FILIP1: variants seen among roughly 807,000 people sequenced by gnomAD.
FILIP1 encodes filamin A interacting protein 1, also known as filamin-A-interacting protein 1.
In FILIP1, 61 loss-of-function variants were observed where a neutral mutation model predicts 102.1. That is an observed-to-expected ratio of 0.60 (90% confidence interval 0.49 to 0.74). The LOEUF is 0.74. Ranked by LOEUF, FILIP1 falls within the 30% of genes least tolerant of loss-of-function variation. The pLI is 0.00. For synonymous variants in FILIP1, 491 were observed against 526.9 expected (o/e 0.93, Z 0.93); for missense variants, 1,314 against 1,441.2 (o/e 0.91, Z 1.43).
At chr6:75,463,926 G>T (rs1486910405) in intron 1 of FILIP1, among the ~76,000 whole-genome samples, 1 of 152,022 alleles carries the variant, frequency 6.6e-6, no homozygotes, top group Non-Finnish European at 1.5e-5. Context: ...ATGGTAGGGG[G>T]ACAGCTGAAA....
At chr6:75,372,785 A>G (rs58021643) in intron 2 of FILIP1, among the ~76,000 whole-genome samples, 1,287 of 78,188 alleles carry the variant, frequency 0.016, 193 homozygotes, top group African/African-American at 0.03. Context: ...AAAGAAAGAA[A>G]GAAAGAAAGA....
In FILIP1 at chr6:75,440,903, C is replaced by T. The variant is rs185539671; in HGVS notation, c.-6-25925G>A. ...AGTGGAGGTTGCAGTGAGCCGAGAT[C>T]GTGCCGTTGCACTCCAGCCTGGGCA... On this transcript the variant is annotated intron_variant, in intron 1 of 5. Transcript: ENST00000237172. 1.0e-3 allele frequency among the ~76,000 whole-genome samples: 154 copies of T among 147,796 alleles called. 1 individual carries two copies. The highest frequency in any genetic ancestry group is 1.1e-3 in the Non-Finnish European group (72 of 67,654).
intron 2 of FILIP1, among the ~76,000 whole-genome samples, chr6:75,410,733 C>A (rs1330747100): frequency 2.6e-5 from 4 of 152,114 alleles, no homozygotes; most frequent in African/African-American, 9.7e-5. Context: ...TGAACTCATT[C>A]TTTTTTATGG....
At chr6:75,385,308 C>T (rs924641241) in intron 2 of FILIP1, among the ~76,000 whole-genome samples, 2 of 152,080 alleles carry the variant, frequency 1.3e-5, no homozygotes, top group African/African-American at 2.4e-5. Flanking sequence ...ATTTTTAAAA[C>T]ATGAAATGAG....
At chr6:75,322,310 T>C (rs1426334167) in intron 4 of FILIP1, among the ~76,000 whole-genome samples, 1 of 152,226 alleles carries the variant, frequency 6.6e-6, no homozygotes, top group Admixed American at 6.5e-5. Context: ...CGTGTAATTA[T>C]GCTATTTAAG....
intron 2 of FILIP1, among the ~76,000 whole-genome samples, chr6:75,414,255 T>C (rs368366265): frequency 1.3e-5 from 2 of 151,906 alleles, no homozygotes; most frequent in East Asian, 3.9e-4. Context: ...CAACAAAGCC[T>C]TATTTACCTC....
At chr6:75,406,601 A>C (rs1776854411) in intron 2 of FILIP1, among the ~76,000 whole-genome samples, 1 of 152,000 alleles carries the variant, frequency 6.6e-6, no homozygotes, top group South Asian at 2.1e-4. Context: ...GAGCCCATCA[A>C]ATACAAGTAT....
At chr6:75,463,540 TATG>T (rs1196629606) in intron 1 of FILIP1, among the ~76,000 whole-genome samples, 10 of 152,240 alleles carry the variant, frequency 6.6e-5, no homozygotes, top group Non-Finnish European at 7.3e-5. Context: ...ATGAGTTTCC[TATG>T]TTAACTCACA....
intron 1 of FILIP1, among the ~76,000 whole-genome samples, chr6:75,491,343 G>A (rs991414161): frequency 2.6e-5 from 4 of 152,186 alleles, no homozygotes; most frequent in Admixed American, 2.0e-4. Flanking sequence ...TCATGGTATT[G>A]AGACTGGAAA....
chr6:75,457,643 T>TCTCTCG (rs1554215201), intron 1 of FILIP1, among the ~76,000 whole-genome samples: 1 of 151,020 alleles, frequency 6.6e-6, no homozygotes, highest in Non-Finnish European at 1.5e-5. Flanking sequence ...TCTCTCTCTC[T>TCTCTCG]CTCTCGTTTC....
At chr6:75,362,129 C>T (rs1389351263) in intron 3 of FILIP1, 1 of 152,172 alleles carries the variant, frequency 6.6e-6, no homozygotes, top group African/African-American at 2.4e-5. Flanking sequence ...ACTGGTATCG[C>T]AATCTGGCTC....
At chr6:75,388,967 T>C (rs1292170016) in intron 2 of FILIP1, among the ~76,000 whole-genome samples, 1 of 152,222 alleles carries the variant, frequency 6.6e-6, no homozygotes, top group Non-Finnish European at 1.5e-5. Flanking sequence ...AAGGGAATGC[T>C]TCCAGCTTTT....
intron 1 of FILIP1, among the ~76,000 whole-genome samples, chr6:75,439,994 C>G (rs1463225027): frequency 1.3e-5 from 2 of 152,186 alleles, no homozygotes; most frequent in Non-Finnish European, 2.9e-5. Flanking sequence ...ATTTGCATGA[C>G]CACATATTAT....
At chr6:75,374,980 G>A (rs1014447551) in intron 2 of FILIP1, among the ~76,000 whole-genome samples, 9 of 152,284 alleles carry the variant, frequency 5.9e-5, no homozygotes, top group South Asian at 2.1e-4. Flanking sequence ...ACTGAGTGGC[G>A]GGTGGCCTTG....
intron 1 of FILIP1, among the ~76,000 whole-genome samples, chr6:75,457,034 T>C (rs1778860118): frequency 6.6e-6 from 1 of 152,184 alleles, no homozygotes; most frequent in Admixed American, 6.5e-5. Flanking sequence ...TCAATAACAA[T>C]GATAAAATAT....
intron 4 of FILIP1, chr6:75,319,162 G>C: frequency 1.4e-6 from 1 of 732,388 alleles, no homozygotes; most frequent in Non-Finnish European, 2.5e-6. Context: ...TGCTGCATCA[G>C]GCTTTCCTTT....
rs559426370 is a variant in FILIP1 at position 75,438,269 on chromosome 6, C to G, written c.-6-23291G>C. Among the ~76,000 whole-genome samples, 10 of 152,306 alleles carry G rather than the reference C, an allele frequency of 6.6e-5. No individual in the cohort carries two copies. In the South Asian group the frequency reaches 2.1e-3, roughly 32 times the overall value. ...ACTATGATTTTTGTCATTCACTGAGCTGTGATATAAATCCAACATCTGGAT... is the reference window on the plus strand; with the variant it reads ...ACTATGATTTTTGTCATTCACTGAGGTGTGATATAAATCCAACATCTGGAT... On this transcript the variant is annotated intron_variant, in intron 1 of 5. Transcript: ENST00000237172.
At chr6:75,462,882 G>A (rs1194042816) in intron 1 of FILIP1, among the ~76,000 whole-genome samples, 4 of 152,098 alleles carry the variant, frequency 2.6e-5, no homozygotes, top group Non-Finnish European at 5.9e-5. Context: ...CATAACCACA[G>A]TGGCCCAAGA....
Position 75,308,752 on chromosome 6 carries a change from T to C in FILIP1, c.3581A>G (p.Lys1194Arg). The change falls in exon 6 of 6, where the codon AAA becomes AGA. Residue 1194 changes from lysine (K) to arginine (R), a missense_variant. Transcript: ENST00000237172. ...GGCTGCAGATTTCTTCAGCTCTATT[T>C]TCATAGACTGAGTCTCAGCTCGAGG... ...FEPRAETQSM[K>R]IELKKSAASS... 5 of 1,614,014 alleles carry C rather than the reference T, an allele frequency of 3.1e-6. No homozygotes were observed. Among genetic ancestry groups the C allele is most frequent in the African/African-American group, 1.3e-5 (1 of 75,012 alleles).
Sources: gnomAD v4.1 joint callset for allele counts (sites outside exome capture counted in the v4.1 genomes callset) on GRCh38, gnomAD v4.1.1 for gene constraint, MANE v1.5 for transcripts, NCBI Gene and HGNC (gene_info 2026-07-23, HGNC 2026-07-21) for gene names.